Variants in BRD10 observed in about 807,000 individuals in gnomAD.
The protein encoded by BRD10 is uncharacterized bromodomain-containing protein 10.
chr9:5,951,636 T>C, the BRD10 span, among the ~76,000 whole-genome samples: 1 of 152,212 alleles, frequency 6.6e-6, no homozygotes, highest in African/African-American at 2.4e-5. Context: ...CTAGAACTTT[T>C]GGGCAGGGAA....
the BRD10 span, among the ~76,000 whole-genome samples, chr9:5,983,960 A>ATT: frequency 1.1e-5 from 1 of 95,134 alleles, no homozygotes; most frequent in Non-Finnish European, 2.1e-5. Flanking sequence ...ATGTATATGC[A>ATT]TTACACACAC....
At chr9:5,933,742 GA>G in the BRD10 span, 2 of 470,060 alleles carry the variant, frequency 4.3e-6, no homozygotes, top group Non-Finnish European at 8.8e-6. Flanking sequence ...AGTCGGGAGG[GA>G]AACTTACCTC....
the BRD10 span, among the ~76,000 whole-genome samples, chr9:5,913,100 C>T: frequency 9.9e-5 from 15 of 152,262 alleles, no homozygotes; most frequent in African/African-American, 3.6e-4. Context: ...TAGTAAAGAG[C>T]AGGCATACTT....
At chr9:5,991,593 C>G in the BRD10 span, among the ~76,000 whole-genome samples, 36 of 151,972 alleles carry the variant, frequency 2.4e-4, no homozygotes, top group African/African-American at 7.7e-4. Flanking sequence ...CCTGATGGCA[C>G]GTGCACCTGT....
the BRD10 span, among the ~76,000 whole-genome samples, chr9:5,882,782 C>A: frequency 6.6e-6 from 1 of 152,062 alleles, no homozygotes; most frequent in Non-Finnish European, 1.5e-5. Context: ...GGTATATACC[C>A]AAAGGTGTAT....
At chr9:5,981,642 ATCT>A in the BRD10 span, among the ~76,000 whole-genome samples, 249 of 151,898 alleles carry the variant, frequency 1.6e-3, 2 homozygotes, top group Middle Eastern at 0.024. Context: ...CTATCTATCT[ATCT>A]ATTTTAATCT....
At chr9:5,897,258 T>A in the BRD10 span, among the ~76,000 whole-genome samples, 1 of 152,222 alleles carries the variant, frequency 6.6e-6, no homozygotes, top group Admixed American at 6.5e-5. Flanking sequence ...AAATACATTG[T>A]CCACATAAAG....
the BRD10 span, among the ~76,000 whole-genome samples, chr9:5,961,614 T>C: frequency 6.6e-6 from 1 of 152,180 alleles, no homozygotes; most frequent in African/African-American, 2.4e-5. Flanking sequence ...GACATATTTT[T>C]CTTTTCTATG....
At chr9:5,921,129 T>C in the BRD10 span, 1 of 1,613,946 alleles carries the variant, frequency 6.2e-7, no homozygotes, top group South Asian at 1.1e-5. Context: ...GGAACTGAAT[T>C]ACCACTTGTT....
chr9:5,928,160 CT>C, the BRD10 span, among the ~76,000 whole-genome samples: 3 of 152,062 alleles, frequency 2.0e-5, no homozygotes, highest in African/African-American at 7.2e-5. Context: ...TCCTCACTTT[CT>C]CTCATACTCC....
the BRD10 span, chr9:5,922,756 A>G: frequency 6.2e-7 from 1 of 1,613,962 alleles, no homozygotes; most frequent in South Asian, 1.1e-5. Flanking sequence ...TTACAGAGCT[A>G]TTTTGAAGAT....
At chr9:5,995,013 C>T in the BRD10 span, among the ~76,000 whole-genome samples, 2 of 152,026 alleles carry the variant, frequency 1.3e-5, no homozygotes, top group African/African-American at 4.8e-5. Flanking sequence ...AATTCTCCTG[C>T]CTCAGCCTCC....
At chr9:5,922,869 G>C in the BRD10 span, 1 of 1,613,994 alleles carries the variant, frequency 6.2e-7, no homozygotes, top group Non-Finnish European at 8.5e-7. Context: ...CTTGCTTCCG[G>C]AGGAGATAAA....
At chr9:5,902,237 T>A in the BRD10 span, among the ~76,000 whole-genome samples, 1 of 150,184 alleles carries the variant, frequency 6.7e-6, no homozygotes, top group African/African-American at 2.5e-5. Flanking sequence ...TTTTGACAGA[T>A]TGTGTCTTTC....
the BRD10 span, among the ~76,000 whole-genome samples, chr9:5,927,935 A>T: frequency 1.3e-5 from 2 of 151,950 alleles, no homozygotes; most frequent in Admixed American, 6.6e-5. Context: ...GTACCTCCAG[A>T]CTCCCTTGAA....
At chr9:5,951,068 A>C in the BRD10 span, among the ~76,000 whole-genome samples, 1 of 146,912 alleles carries the variant, frequency 6.8e-6, no homozygotes, top group African/African-American at 2.6e-5. Flanking sequence ...ACACACACAC[A>C]CACACACACC....
At chr9:5,923,945 C>T in the BRD10 span, among the ~76,000 whole-genome samples, 3 of 152,146 alleles carry the variant, frequency 2.0e-5, no homozygotes, top group African/African-American at 4.8e-5. Context: ...ACTAGATTTA[C>T]ATAACGTAAT....
At chr9:5,922,055 A>C in the BRD10 span, 1 of 1,614,014 alleles carries the variant, frequency 6.2e-7, no homozygotes. Flanking sequence ...CTGAGGAGCA[A>C]AAGTGAAAAC....
chr9:5,898,722 G>C, the BRD10 span, among the ~76,000 whole-genome samples: 3 of 152,104 alleles, frequency 2.0e-5, no homozygotes, highest in African/African-American at 7.2e-5. Context: ...ACTCCACTTT[G>C]TGACCTGCTC....
Sources: allele counts gnomAD v4.1 joint callset (sites outside exome capture counted in the v4.1 genomes callset), GRCh38; gene constraint gnomAD v4.1.1; transcripts MANE v1.5; gene names NCBI Gene and HGNC (gene_info 2026-07-23, HGNC 2026-07-21).